The following YEATS2 variants were observed in gnomAD, a reference collection of about 807,000 sequenced individuals.
YEATS2 encodes YEATS domain containing 2.
Under a neutral mutation model 163.2 loss-of-function variants are expected in YEATS2, and 77 were observed. That is an observed-to-expected ratio of 0.47 (90% confidence interval 0.39 to 0.57). The LOEUF is 0.57. Ranked by LOEUF, YEATS2 falls within the 20% of genes least tolerant of loss-of-function variation. The pLI, the probability that YEATS2 is intolerant of heterozygous loss-of-function variation, is 0.00. For synonymous variants in YEATS2, 631 were observed against 645.1 expected (o/e 0.98, Z 0.33); for missense variants, 1,549 against 1,729.8 (o/e 0.90, Z 1.85).
chr3:183,802,535 G>GTGTATATATATATATATATACACGTA (rs1553884509), intron 25 of YEATS2: 2 of 142,222 alleles, frequency 1.4e-5, no homozygotes, highest in African/African-American at 5.4e-5. Flanking sequence ...ATATACACGT[G>GTGTATATATATATATATATACACGTA]TATATACACA....
At chr3:183,737,434 A>C (rs757908516) in intron 8 of YEATS2, among the ~76,000 whole-genome samples, 2 of 152,210 alleles carry the variant, frequency 1.3e-5, no homozygotes, top group African/African-American at 4.8e-5. Context: ...ACCATCAGAG[A>C]GAGAGAGAAT....
At chr3:183,777,479 C>G in intron 18 of YEATS2, 63 bp from the exon 19 acceptor site, 2 of 1,545,774 alleles carry the variant, frequency 1.3e-6, no homozygotes, top group Non-Finnish European at 1.8e-6. Context: ...TTTAAGGGAT[C>G]AGAACAGCCC....
chr3:183,754,640 A>G (rs978695383), intron 11 of YEATS2, among the ~76,000 whole-genome samples: 1 of 152,200 alleles, frequency 6.6e-6, no homozygotes, highest in African/African-American at 2.4e-5. Context: ...GCTAGGATAT[A>G]TGGCTGAAAC....
intron 8 of YEATS2, among the ~76,000 whole-genome samples, chr3:183,743,913 A>G (rs986941928): frequency 2.6e-5 from 4 of 152,000 alleles, no homozygotes; most frequent in Non-Finnish European, 5.9e-5. Context: ...GCCATGCTGA[A>G]ATTTCTCTTC....
At chr3:183,747,807 C>A in intron 9 of YEATS2, 91 bp downstream of exon 9, 2 of 1,232,314 alleles carry the variant, frequency 1.6e-6, no homozygotes, top group Non-Finnish European at 2.3e-6. Flanking sequence ...GAGACGGGGT[C>A]TTCGCTCTGT....
At position 183,806,994 on chromosome 3, in the gene YEATS2, A is replaced by T; in HGVS notation, c.3913A>T (p.Ile1305Leu). Residue 1305 changes from isoleucine to leucine, a missense_variant, in exon 28 of 31, where the codon ATA (isoleucine) becomes TTA (leucine). Transcript: ENST00000305135. ...CCTCAGCCTCTCCGAGCCAGTGAAG[A>T]TAAACATCAAGAAGGAGCAGGAAGA... ...DILSLSEPVK[I>L]NIKKEQEEKQ... The T allele has an allele frequency of 6.2e-7, 1 of 1,614,210 alleles. No individual in the cohort carries two copies.
At chr3:183,791,001 A>G (rs1237516733) in intron 21 of YEATS2, 21 bp downstream of exon 21, 3 of 1,603,186 alleles carry the variant, frequency 1.9e-6, no homozygotes, top group South Asian at 1.1e-5. Context: ...TTGTGATATT[A>G]TTTCTCTCTC....
At chr3:183,743,235 A>G (rs935875443) in intron 8 of YEATS2, among the ~76,000 whole-genome samples, 3 of 152,248 alleles carry the variant, frequency 2.0e-5, no homozygotes, top group Admixed American at 2.0e-4. Flanking sequence ...CAAAAGAAAT[A>G]TACCAAAAAG....
In YEATS2 at chr3:183,798,986, A is replaced by G. The variant is rs1264506936; in HGVS notation, c.3322A>G (p.Lys1108Glu). The G allele has an allele frequency of 2.5e-6, 4 of 1,612,382 alleles. No individual in the cohort carries two copies. The highest frequency in any genetic ancestry group is 2.5e-6 in the Non-Finnish European group (3 of 1,178,520). ...VPSSAPAAVA[K>E]VKTEPETPGP... is the part of the protein sequence containing the mutation. ...CAGCTCTGCTCCAGCAGCTGTTGCA[A>G]AAGGTACGTAGGATCTCACAGAGTT... The change falls in exon 23 of 31, where the codon AAA becomes GAA. Residue 1108 changes from lysine to glutamate, a missense_variant. Coordinates refer to ENST00000305135, the MANE Select transcript of YEATS2 (RefSeq NM_018023.5).
intron 7 of YEATS2, among the ~76,000 whole-genome samples, chr3:183,730,052 G>GTTTTTTTTTCTTT (rs1717580387): frequency 2.4e-5 from 1 of 41,698 alleles, no homozygotes; most frequent in Non-Finnish European, 4.4e-5. Flanking sequence ...TTTTTTGTTT[G>GTTTTTTTTTCTTT]TTTTTTTTTT....
intron 19 of YEATS2, among the ~76,000 whole-genome samples, chr3:183,783,078 C>T (rs958769184): frequency 1.3e-5 from 2 of 152,208 alleles, no homozygotes; most frequent in African/African-American, 4.8e-5. Context: ...AGCTCCAATG[C>T]AAATTATGCC....
chr3:183,772,724 T>C (rs16858067), intron 16 of YEATS2, among the ~76,000 whole-genome samples, 161 bp downstream of exon 16: 4,274 of 151,942 alleles, frequency 0.028, 205 homozygotes, highest in African/African-American at 0.096. Flanking sequence ...TGGGACATTT[T>C]ACATAAAGGT....
intron 9 of YEATS2, 50 bp from the exon 10 acceptor site, chr3:183,752,023 T>C: frequency 1.9e-6 from 3 of 1,601,010 alleles, no homozygotes; most frequent in Middle Eastern, 1.7e-4. Context: ...TTGAGCTTTC[T>C]GTGACATTGA....
At chr3:183,790,647 A>T in intron 20 of YEATS2, 150 bp from the exon 21 acceptor site, 1 of 789,080 alleles carries the variant, frequency 1.3e-6, no homozygotes, top group Non-Finnish European at 1.9e-6. Flanking sequence ...CTAGAGAAGT[A>T]ATCTTTTTTA....
At chr3:183,742,375 A>T (rs1324968812) in intron 8 of YEATS2, among the ~76,000 whole-genome samples, 2 of 152,158 alleles carry the variant, frequency 1.3e-5, no homozygotes, top group Non-Finnish European at 2.9e-5. Context: ...TCATGAGAGG[A>T]GGTCAGAGTA....
intron 21 of YEATS2, among the ~76,000 whole-genome samples, chr3:183,795,483 T>TTTTA (rs146253574): frequency 0.067 from 8,237 of 123,782 alleles, 1,093 homozygotes; most frequent in South Asian, 0.13. Context: ...TTTTTTTTTT[T>TTTTA]AGAGACGGGG....
At chr3:183,765,063 G>A (rs1664060144) in intron 15 of YEATS2, among the ~76,000 whole-genome samples, 1 of 152,130 alleles carries the variant, frequency 6.6e-6, no homozygotes, top group African/African-American at 2.4e-5. Flanking sequence ...TGACTTTGAG[G>A]CATTCGTAGC....
chr3:183,724,319 AAACTT>A (rs1716839692), intron 5 of YEATS2, 95 bp from the exon 6 acceptor site: 1 of 883,826 alleles, frequency 1.1e-6, no homozygotes, highest in African/African-American at 1.7e-5. Flanking sequence ...TTTTTTAAAA[AAACTT>A]AGTTATTCCA....
At chr3:183,754,532 A>G (rs1720516633) in intron 11 of YEATS2, among the ~76,000 whole-genome samples, 167 bp downstream of exon 11, 1 of 152,248 alleles carries the variant, frequency 6.6e-6, no homozygotes, top group Non-Finnish European at 1.5e-5. Context: ...GTCACAAGGC[A>G]AAAACAAAGC....
Sources: gnomAD v4.1 joint callset for allele counts (sites outside exome capture counted in the v4.1 genomes callset) on GRCh38, gnomAD v4.1.1 for gene constraint, MANE v1.5 for transcripts, NCBI Gene and HGNC (gene_info 2026-07-23, HGNC 2026-07-21) for gene names.